ESRRG: variants seen among roughly 807,000 people sequenced by gnomAD.
ESRRG encodes the protein estrogen-related receptor gamma.
Under a neutral mutation model 44.0 loss-of-function variants are expected in ESRRG, and 13 were observed. The ratio of observed to expected loss-of-function variants is 0.30; its 90% CI spans 0.19 to 0.47. ESRRG has a LOEUF of 0.47. ESRRG is among the 20% of genes least tolerant of loss of function. The pLI, the probability that ESRRG is intolerant of heterozygous loss-of-function variation, is 1.00. For synonymous variants in ESRRG, 215 were observed against 214.6 expected, an observed-to-expected ratio of 1.00 and a Z score of -0.02; for missense variants, 395 against 580.6, an observed-to-expected ratio of 0.68 and a Z score of 3.29.
chr1:217,078,481 C>T (rs1313446374), intron 1 of ESRRG: 2 of 152,216 alleles, frequency 1.3e-5, no homozygotes, highest in African/African-American at 4.8e-5. Context: ...CAACCTTTGA[C>T]AACTTCACAC....
chr1:217,069,857 GA>G (rs566081191), intron 1 of ESRRG, among the ~76,000 whole-genome samples: 2 of 151,810 alleles, frequency 1.3e-5, no homozygotes, highest in East Asian at 3.9e-4. Context: ...TGGATTCTAA[GA>G]AAAAAAATAA....
At chr1:217,073,247 T>C (rs1324481901) in intron 1 of ESRRG, among the ~76,000 whole-genome samples, 4 of 147,350 alleles carry the variant, frequency 2.7e-5, no homozygotes, top group Non-Finnish European at 5.9e-5. Context: ...GAAGAATGTA[T>C]TGCTTTCTAC....
chr1:217,008,571 G>T (rs186985262), intron 1 of ESRRG, among the ~76,000 whole-genome samples: 1 of 152,170 alleles, frequency 6.6e-6, no homozygotes, highest in Admixed American at 6.5e-5. Flanking sequence ...AGAACTCTTG[G>T]AGTAGAGAGA....
At chr1:216,939,028 C>T (rs554706857) in intron 2 of ESRRG, among the ~76,000 whole-genome samples, 1 of 152,052 alleles carries the variant, frequency 6.6e-6, no homozygotes, top group Admixed American at 6.6e-5. Context: ...AGACAGATAT[C>T]TCTAGAAAGA....
chr1:216,744,454 C>T (rs2091142495), intron 2 of ESRRG, among the ~76,000 whole-genome samples: 1 of 145,768 alleles, frequency 6.9e-6, no homozygotes, highest in East Asian at 2.1e-4. Context: ...GAGTCTAGTA[C>T]CACACACTTG....
intron 2 of ESRRG, among the ~76,000 whole-genome samples, chr1:216,809,998 AAGAG>A (rs2094918217): frequency 6.6e-6 from 1 of 152,174 alleles, no homozygotes; most frequent in Admixed American, 6.6e-5. Flanking sequence ...ATGAATGAGG[AAGAG>A]AGAGACAGAA....
intron 1 of ESRRG, among the ~76,000 whole-genome samples, chr1:217,066,523 T>G (rs1430015479): frequency 6.6e-6 from 1 of 152,158 alleles, no homozygotes; most frequent in African/African-American, 2.4e-5. Flanking sequence ...TTACAGGCGT[T>G]AGCCACTGAG....
intron 3 of ESRRG, among the ~76,000 whole-genome samples, chr1:216,632,986 A>AAG (rs138135698): frequency 1.3e-5 from 2 of 151,106 alleles, no homozygotes; most frequent in African/African-American, 4.9e-5. Context: ...TTTTAAGAGG[A>AAG]AGAGAGAGAG....
intron 1 of ESRRG, among the ~76,000 whole-genome samples, chr1:217,055,972 G>A (rs545223671): frequency 1.3e-5 from 2 of 152,042 alleles, no homozygotes; most frequent in East Asian, 3.9e-4. Context: ...TTTCTCCTTG[G>A]GTACACAGCT....
At chr1:216,509,186 A>G (rs2042031469) in intron 6 of ESRRG, among the ~76,000 whole-genome samples, 1 of 152,208 alleles carries the variant, frequency 6.6e-6, no homozygotes, top group Non-Finnish European at 1.5e-5. Flanking sequence ...TAATGCTGCT[A>G]GAATGTAGAA....
At chr1:216,673,372 C>T (rs945254974) in intron 2 of ESRRG, among the ~76,000 whole-genome samples, 2 of 152,246 alleles carry the variant, frequency 1.3e-5, no homozygotes, top group Admixed American at 1.3e-4. Context: ...GTGAGCACCA[C>T]AGTGTGATGT....
chr1:216,779,286 T>TAAATA (rs771881661), intron 2 of ESRRG, among the ~76,000 whole-genome samples: 805 of 17,404 alleles, frequency 0.046, 72 homozygotes, highest in African/African-American at 0.083. Flanking sequence ...TTTATAAACA[T>TAAATA]TATATTTATA....
At chr1:216,572,673 C>T (rs2061021530) in intron 3 of ESRRG, among the ~76,000 whole-genome samples, 1 of 152,000 alleles carries the variant, frequency 6.6e-6, no homozygotes, top group Non-Finnish European at 1.5e-5. Flanking sequence ...AAGCACCTCT[C>T]ATAACTTCTA....
At chr1:216,630,891 T>A (rs913496274) in intron 3 of ESRRG, among the ~76,000 whole-genome samples, 5 of 149,750 alleles carry the variant, frequency 3.3e-5, no homozygotes, top group African/African-American at 1.2e-4. Context: ...ATAAACCTAA[T>A]TTCTCCATAG....
chr1:216,554,310 C>T (rs939119754), intron 5 of ESRRG, among the ~76,000 whole-genome samples: 11 of 151,834 alleles, frequency 7.2e-5, no homozygotes, highest in East Asian at 3.9e-4. Context: ...AAAAATTAGC[C>T]GGACTTGGTG....
At chr1:216,546,438 C>T (rs1397756061) in intron 5 of ESRRG, among the ~76,000 whole-genome samples, 2 of 152,062 alleles carry the variant, frequency 1.3e-5, no homozygotes, top group African/African-American at 4.8e-5. Context: ...ATCTCCAACT[C>T]TCATAGCAAT....
intron 1 of ESRRG, among the ~76,000 whole-genome samples, chr1:216,682,953 C>T (rs938560748): frequency 6.6e-6 from 1 of 152,110 alleles, no homozygotes. Context: ...TGGGCACCAG[C>T]TGCTATTGTC....
At chr1:216,535,348 A>C (rs1048475465) in intron 5 of ESRRG, among the ~76,000 whole-genome samples, 2 of 152,030 alleles carry the variant, frequency 1.3e-5, no homozygotes, top group Non-Finnish European at 1.5e-5. Flanking sequence ...AACATCTTTG[A>C]TGTTCCTCAA....
chr1:216,509,063 A>G (rs1355809610), intron 6 of ESRRG, among the ~76,000 whole-genome samples: 2 of 152,248 alleles, frequency 1.3e-5, no homozygotes, highest in East Asian at 1.9e-4. Context: ...CCATTTATTA[A>G]GCACCTATTT....
Sources: gnomAD v4.1 joint callset for allele counts (sites outside exome capture counted in the v4.1 genomes callset) on GRCh38, gnomAD v4.1.1 for gene constraint, MANE v1.5 for transcripts, NCBI Gene and HGNC (gene_info 2026-07-23, HGNC 2026-07-21) for gene names.